KLHL7: variants seen among roughly 807,000 people sequenced by gnomAD.
KLHL7 encodes the protein kelch-like protein 7.
A neutral mutation model predicts 67.4 loss-of-function variants in KLHL7; 44 were observed. That is an observed-to-expected ratio of 0.65 (90% CI 0.51 to 0.84). KLHL7 has a LOEUF of 0.84. Among genes scored for constraint, KLHL7 ranks in the 40% least tolerant of loss-of-function variants. The probability of loss-of-function intolerance (pLI) is 0.00; values close to 1 mark genes in which losing one functional copy is unlikely to be tolerated. For synonymous variants in KLHL7, 252 were observed against 243.3 expected (o/e 1.04, Z -0.33); for missense variants, 362 against 718.1 (o/e 0.50, Z 5.67).
At chr7:23,119,039 C>T (rs1783218684) in intron 1 of KLHL7, among the ~76,000 whole-genome samples, 1 of 152,042 alleles carries the variant, frequency 6.6e-6, no homozygotes, top group Admixed American at 6.5e-5. Context: ...CCACTGCACT[C>T]CAGCCTGGAT....
Position 23,105,879 on chromosome 7 carries a change from C to T in KLHL7, c.-148C>T, listed in dbSNP as rs1426186337. ...CCTTGTCTTTCGGCAGTGGCCGAGC[C>T]ACCGCCGCCTGCCGCGCGTTCCAGA... is the stretch of plus-strand genomic sequence containing the variant. On this transcript the variant is annotated 5_prime_UTR_variant, in exon 1 of 11. Coordinates refer to ENST00000339077, the MANE Select transcript of KLHL7 (RefSeq NM_001031710.3). The T allele has an allele frequency of 4.7e-6, 6 of 1,270,906 alleles. No homozygotes were observed. Among genetic ancestry groups the T allele is most frequent in the Middle Eastern group, 5.2e-4 (2 of 3,828 alleles). The allele number at this position is 1,270,906 out of a possible 1,614,324, so 78.7% of individuals were successfully genotyped here.
At chr7:23,124,846 C>T (rs774539293) in intron 3 of KLHL7, 65 bp downstream of exon 3, 33 of 1,218,670 alleles carry the variant, frequency 2.7e-5, no homozygotes, top group Admixed American at 3.4e-5. Context: ...AAAGCATTGT[C>T]GTAACAAATA....
rs182470353 is a variant in KLHL7, at chr7:23,117,244, C to T, written c.121-6533C>T. Among the ~76,000 whole-genome samples the T allele has an allele frequency of 5.8e-3, 883 of 151,974 alleles. 5 individuals are homozygous for T. Among genetic ancestry groups the T allele is most frequent in the Non-Finnish European group, 9.6e-3 (654 of 67,934 alleles). On this transcript the variant is annotated intron_variant, in intron 1 of 10. Transcript: ENST00000339077. The stretch of plus-strand genomic sequence containing the variant: ...CTGCTATTACAGACGCGCACCACCA[C>T]GCCTGGCTAATTTTTGTATTTTTAG...
In KLHL7 at chr7:23,124,716, A is replaced by G. The variant is rs776225327; in HGVS notation, c.252A>G (p.Glu84=). 2.2e-5 allele frequency: 35 copies of G among 1,611,018 alleles called. No homozygotes were observed. The highest frequency in any genetic ancestry group is 9.3e-6 in the Non-Finnish European group (11 of 1,177,258). ...ACATGCTTGAATCAAAGTCCTTTGA[A>G]GTAGAACTCAAAGATGCTGAACCTG... The part of the protein sequence containing the change: ...TTNMLESKSF[E]VELKDAEPDI... The change falls in exon 3 of 11, where the codon GAA becomes GAG. Residue 84 remains glutamate, a synonymous_variant. Coordinates refer to ENST00000339077, the MANE Select transcript of KLHL7 (RefSeq NM_001031710.3).
intron 4 of KLHL7, among the ~76,000 whole-genome samples, chr7:23,139,372 T>TA (rs1382500191): frequency 6.6e-6 from 1 of 152,218 alleles, no homozygotes; most frequent in Admixed American, 6.5e-5. Context: ...GAAAACTGAG[T>TA]ACATAAAATC....
At chr7:23,137,867 C>T (rs936957490) in intron 4 of KLHL7, among the ~76,000 whole-genome samples, 2 of 142,168 alleles carry the variant, frequency 1.4e-5, no homozygotes, top group African/African-American at 5.2e-5. Context: ...GTGCCCAGCC[C>T]AAAATTGTCT....
At chr7:23,152,422 G>A (rs898024166) in intron 7 of KLHL7, among the ~76,000 whole-genome samples, 6 of 152,110 alleles carry the variant, frequency 3.9e-5, no homozygotes, top group Admixed American at 6.5e-5. Flanking sequence ...GGAATGCTGC[G>A]TGGTAACCAC....
At chr7:23,122,761 C>T (rs1216393884) in intron 1 of KLHL7, among the ~76,000 whole-genome samples, 1 of 152,068 alleles carries the variant, frequency 6.6e-6, no homozygotes, top group African/African-American at 2.4e-5. Context: ...CTATCAGAAA[C>T]TATATTAACA....
chr7:23,116,945 T>C (rs531875643), intron 1 of KLHL7, among the ~76,000 whole-genome samples: 1 of 152,304 alleles, frequency 6.6e-6, no homozygotes, highest in South Asian at 2.1e-4. Flanking sequence ...CTTGCTGATC[T>C]TTCTCCTTTT....
At chr7:23,109,344 A>G (rs1782770748) in intron 1 of KLHL7, among the ~76,000 whole-genome samples, 1 of 152,244 alleles carries the variant, frequency 6.6e-6, no homozygotes, top group Admixed American at 6.5e-5. Context: ...TAGAGGCTTT[A>G]CAAGGCAGGT....
intron 1 of KLHL7, among the ~76,000 whole-genome samples, chr7:23,122,628 A>T (rs1783399288): frequency 6.6e-6 from 1 of 152,224 alleles, no homozygotes. Context: ...AAAATCTTCA[A>T]ATAAGCTGTA....
At chr7:23,161,268 A>G (rs770045084) in intron 7 of KLHL7, among the ~76,000 whole-genome samples, 7 of 152,130 alleles carry the variant, frequency 4.6e-5, no homozygotes, top group South Asian at 2.1e-4. Context: ...CCTACATGCT[A>G]TTTTACAGAC....
At chr7:23,117,015 A>C (rs1562552528) in intron 1 of KLHL7, among the ~76,000 whole-genome samples, 1 of 149,544 alleles carries the variant, frequency 6.7e-6, no homozygotes, top group Non-Finnish European at 1.5e-5. Context: ...TTTAAGAGAA[A>C]TCCTCTAATT....
intron 4 of KLHL7, among the ~76,000 whole-genome samples, chr7:23,133,671 C>T (rs968785142): frequency 6.6e-6 from 1 of 152,006 alleles, no homozygotes; most frequent in Non-Finnish European, 1.5e-5. Context: ...TGACCTCAGG[C>T]GATCCGCCCG....
intron 1 of KLHL7, among the ~76,000 whole-genome samples, chr7:23,112,615 C>T (rs1042371190): frequency 3.3e-5 from 5 of 152,128 alleles, no homozygotes; most frequent in Non-Finnish European, 7.4e-5. Flanking sequence ...TGGTCTAAAG[C>T]ACTGTATTCA....
At chr7:23,117,856 T>A (rs779874641) in intron 1 of KLHL7, 1 of 1,613,326 alleles carries the variant, frequency 6.2e-7, no homozygotes, top group East Asian at 2.2e-5. Flanking sequence ...ACCACCCAGC[T>A]GTAGTTGAAT....
At chr7:23,156,181 C>A (rs2128467816) in intron 7 of KLHL7, 1 of 207,934 alleles carries the variant, frequency 4.8e-6, no homozygotes, top group Non-Finnish European at 1.0e-5. Context: ...AGTTATAGTT[C>A]TTGTATTTCA....
At chr7:23,106,543 C>G in intron 1 of KLHL7, 5 of 1,069,182 alleles carry the variant, frequency 4.7e-6, no homozygotes, top group Non-Finnish European at 5.7e-6. Context: ...AACCGAAGCC[C>G]CCAAAGGGAG....
chr7:23,158,679 A>G (rs1236454931), intron 7 of KLHL7, among the ~76,000 whole-genome samples: 1 of 152,224 alleles, frequency 6.6e-6, no homozygotes, highest in African/African-American at 2.4e-5. Context: ...TGGGTTGGAC[A>G]CCAGCAAGGG....
Sources: allele counts gnomAD v4.1 joint callset (sites outside exome capture counted in the v4.1 genomes callset), GRCh38; gene constraint gnomAD v4.1.1; transcripts MANE v1.5; gene names NCBI Gene and HGNC (gene_info 2026-07-23, HGNC 2026-07-21).